P4HA1: variants seen among roughly 807,000 people sequenced by gnomAD.
The protein encoded by P4HA1 is prolyl 4-hydroxylase subunit alpha 1.
Under a neutral mutation model 72.8 loss-of-function variants are expected in P4HA1, and 24 were observed. The ratio of observed to expected loss-of-function variants is 0.33; its 90% CI spans 0.24 to 0.46. P4HA1 has a LOEUF of 0.46. Ranked by LOEUF, P4HA1 falls within the 20% of genes least tolerant of loss-of-function variation. The pLI is 1.00. For missense variants in P4HA1, 446 were observed against 640.6 expected (o/e 0.70, Z 3.28); for synonymous variants, 201 against 218.8 (o/e 0.92, Z 0.72).
At chr10:73,066,911 A>G (rs1841437228) in intron 5 of P4HA1, among the ~76,000 whole-genome samples, 1 of 152,144 alleles carries the variant, frequency 6.6e-6, no homozygotes, top group Non-Finnish European at 1.5e-5. Context: ...CTGTGAGTCA[A>G]TTAAACCTCT....
At chr10:73,024,711 T>C (rs1038204449) in intron 10 of P4HA1, among the ~76,000 whole-genome samples, 5 of 151,976 alleles carry the variant, frequency 3.3e-5, no homozygotes, top group Admixed American at 2.6e-4. Flanking sequence ...AGCTGGTTTT[T>C]TGAAAAGATC....
intron 9 of P4HA1, among the ~76,000 whole-genome samples, chr10:73,031,516 A>G (rs1445791790): frequency 1.3e-5 from 2 of 152,196 alleles, no homozygotes; most frequent in East Asian, 3.8e-4. Context: ...ATGGAACATC[A>G]TATTAAGTCA....
chr10:73,089,564 T>C (rs1178316746), intron 1 of P4HA1, among the ~76,000 whole-genome samples: 1 of 151,862 alleles, frequency 6.6e-6, no homozygotes, highest in East Asian at 1.9e-4. Flanking sequence ...GTGAAAACAA[T>C]CCAAATGTCC....
At chr10:73,057,711 G>A (rs1841184538) in intron 5 of P4HA1, among the ~76,000 whole-genome samples, 1 of 152,080 alleles carries the variant, frequency 6.6e-6, no homozygotes. Context: ...TCTTAACAAT[G>A]TGTTTCAAGG....
intron 1 of P4HA1, among the ~76,000 whole-genome samples, chr10:73,084,533 C>T (rs1332328117): frequency 6.6e-6 from 1 of 152,068 alleles, no homozygotes; most frequent in African/African-American, 2.4e-5. Flanking sequence ...CCAACTCCAC[C>T]TCCAGGCTAG....
chr10:73,018,417 T>C (rs1264418940), intron 10 of P4HA1, among the ~76,000 whole-genome samples: 2 of 152,198 alleles, frequency 1.3e-5, no homozygotes, highest in Non-Finnish European at 2.9e-5. Context: ...TCTAGTACCC[T>C]GCTTCCCTGG....
chr10:73,078,001 AAG>A (rs1299301093), intron 1 of P4HA1, among the ~76,000 whole-genome samples: 1 of 151,196 alleles, frequency 6.6e-6, no homozygotes, highest in Non-Finnish European at 1.5e-5. Flanking sequence ...AAAAAAAAAA[AAG>A]AGAGAAAGAA....
rs77135568 is a variant in P4HA1 at position 73,063,903 on chromosome 10, T to C, written c.463+4943A>G. Among the ~76,000 whole-genome samples the C allele has an allele frequency of 9.9e-4, 150 of 152,284 alleles. 1 individual carries two copies. In the East Asian group the frequency reaches 0.02, roughly 20 times the overall value. ...TGCAGCATTTGAAAAGGAAGGCTGT[T>C]TCCAAAGTAGAGAACATGAGAAGAA... is the stretch of plus-strand genomic sequence containing the variant. On this transcript the variant is annotated intron_variant, in intron 5 of 14. Transcript: ENST00000394890.
At chr10:73,046,864 C>T (rs1840877715) in intron 8 of P4HA1, 61 bp downstream of exon 8, 1 of 1,256,158 alleles carries the variant, frequency 8.0e-7, no homozygotes, top group Non-Finnish European at 1.1e-6. Flanking sequence ...TATTTTTTTA[C>T]AAAGAAAAAT....
At chr10:73,017,981 T>G (rs1840047428) in intron 10 of P4HA1, among the ~76,000 whole-genome samples, 1 of 145,036 alleles carries the variant, frequency 6.9e-6, no homozygotes, top group South Asian at 2.2e-4. Context: ...GGAGTGTGTC[T>G]TGCTCTGGGG....
chr10:73,091,761 TTAAC>T (rs1842037139), intron 1 of P4HA1, among the ~76,000 whole-genome samples: 1 of 152,204 alleles, frequency 6.6e-6, no homozygotes, highest in Admixed American at 6.5e-5. Flanking sequence ...AAACTTGTGT[TTAAC>T]TGACTCGGCA....
At chr10:73,084,501 C>T (rs1410451699) in intron 1 of P4HA1, among the ~76,000 whole-genome samples, 2 of 152,092 alleles carry the variant, frequency 1.3e-5, no homozygotes, top group Non-Finnish European at 2.9e-5. Context: ...TTGGGATCTC[C>T]TTATGTTGCC....
chr10:73,051,577 T>C (rs918703312), intron 6 of P4HA1, among the ~76,000 whole-genome samples: 2 of 151,990 alleles, frequency 1.3e-5, no homozygotes, highest in South Asian at 2.1e-4. Context: ...CTGACCAACA[T>C]AGTGAAACCT....
At chr10:73,088,059 C>T (rs959928230) in intron 1 of P4HA1, among the ~76,000 whole-genome samples, 1 of 152,074 alleles carries the variant, frequency 6.6e-6, no homozygotes, top group Non-Finnish European at 1.5e-5. Flanking sequence ...ACTTCACAAT[C>T]TATGAACATT....
intron 10 of P4HA1, among the ~76,000 whole-genome samples, chr10:73,024,566 TCA>T (rs764831427): frequency 1.4e-4 from 22 of 151,816 alleles, no homozygotes; most frequent in Non-Finnish European, 2.9e-4. Context: ...CACCCTAACA[TCA>T]CAATTAAAAG....
chr10:73,072,981 C>T (rs1301055884), intron 3 of P4HA1, among the ~76,000 whole-genome samples: 2 of 151,898 alleles, frequency 1.3e-5, no homozygotes, highest in African/African-American at 4.8e-5. Flanking sequence ...ACCAGCCTGG[C>T]CAACATGGCA....
At position 73,073,836 on chromosome 10, in the gene P4HA1, G is replaced by C; in HGVS notation, c.77-9C>G. 7.5e-7 allele frequency: 1 copy of C among 1,338,170 alleles called. No homozygotes were observed. The highest frequency in any genetic ancestry group is 1.1e-6 in the Non-Finnish European group (1 of 929,944). 82.9% of individuals were successfully genotyped at this position (1,338,170 alleles called of 1,614,324 possible). A position where few individuals can be genotyped will look rare whatever the true frequency, so the allele number is the denominator to read the frequency against. On this transcript the variant is annotated splice_polypyrimidine_tract_variant and intron_variant, in intron 2 of 14. Transcript: ENST00000394890. ...CAAATCAGTCATCTGACCTAGAAGG[G>C]GAAGAAGGTTATCAAATACTCATAT...
In P4HA1 at chr10:73,044,746, G is replaced by T. The variant is rs113023401; in HGVS notation, c.1148+235C>A. On this transcript the variant is annotated intron_variant, in intron 9 of 14. Transcript: ENST00000394890. ...CACCTGATCTGAAGAAAGATAAAAA[G>T]CATATTAATTCCCTAAAAATAACAT... 9.9e-5 allele frequency among the ~76,000 whole-genome samples: 15 copies of T among 152,226 alleles called. 1 individual carries two copies. The highest frequency in any genetic ancestry group is 3.4e-4 in the African/African-American group (14 of 41,538).
chr10:73,059,486 G>A (rs1470882719), intron 5 of P4HA1, among the ~76,000 whole-genome samples: 1 of 130,342 alleles, frequency 7.7e-6, no homozygotes. Flanking sequence ...GCTCACGCCT[G>A]TAATCCCAGC....
Sources: gnomAD v4.1 joint callset for allele counts (sites outside exome capture counted in the v4.1 genomes callset) on GRCh38, gnomAD v4.1.1 for gene constraint, MANE v1.5 for transcripts, NCBI Gene and HGNC (gene_info 2026-07-23, HGNC 2026-07-21) for gene names.